INPP4B: variants seen among roughly 807,000 people sequenced by gnomAD.
INPP4B encodes the protein inositol polyphosphate-4-phosphatase type II B, also known as inositol polyphosphate 4-phosphatase type II.
Under a neutral mutation model 122.5 loss-of-function variants are expected in INPP4B, and 55 were observed. The observed-to-expected ratio is 0.45, with a 90% CI of 0.36 to 0.56. The LOEUF (loss-of-function observed/expected upper bound fraction) is 0.56. Ranked by LOEUF, INPP4B falls within the 20% of genes least tolerant of loss-of-function variation. INPP4B has a pLI of 0.00. For missense variants in INPP4B, 1,000 were observed against 1,097.7 expected (o/e 0.91, Z 1.26); for synonymous variants, 403 against 388.7 (o/e 1.04, Z -0.43).
At chr4:142,301,579 G>T (rs1185816340) in intron 9 of INPP4B, among the ~76,000 whole-genome samples, 1 of 152,194 alleles carries the variant, frequency 6.6e-6, no homozygotes, top group Non-Finnish European at 1.5e-5. Flanking sequence ...TGCATGAAAA[G>T]TACCTCACAT....
chr4:142,212,949 G>C (rs898927414), intron 12 of INPP4B, among the ~76,000 whole-genome samples: 2 of 152,132 alleles, frequency 1.3e-5, no homozygotes, highest in Non-Finnish European at 2.9e-5. Context: ...CCTCATGCTG[G>C]TGTTTTGGCT....
chr4:142,300,470 C>A (rs1760937132), intron 9 of INPP4B, among the ~76,000 whole-genome samples: 1 of 151,806 alleles, frequency 6.6e-6, no homozygotes, highest in Admixed American at 6.6e-5. Flanking sequence ...GCTAATTAAC[C>A]AAAATGCCAA....
At chr4:142,493,107 T>C (rs547862506) in intron 2 of INPP4B, among the ~76,000 whole-genome samples, 1 of 152,268 alleles carries the variant, frequency 6.6e-6, no homozygotes, top group East Asian at 1.9e-4. Context: ...GTGGCTTACA[T>C]AGGGTGTTGG....
chr4:142,143,483 C>T (rs1347547529), intron 18 of INPP4B, among the ~76,000 whole-genome samples: 3 of 151,950 alleles, frequency 2.0e-5, no homozygotes, highest in Non-Finnish European at 4.4e-5. Context: ...TTTCAGAGGG[C>T]AAAAGGAGAA....
At chr4:142,072,874 C>T (rs1468415019) in intron 25 of INPP4B, among the ~76,000 whole-genome samples, 2 of 152,016 alleles carry the variant, frequency 1.3e-5, no homozygotes, top group Non-Finnish European at 2.9e-5. Context: ...TTACCAATTT[C>T]TTTATATATG....
chr4:142,757,075 T>A (rs554137644), intron 1 of INPP4B, among the ~76,000 whole-genome samples: 1 of 152,292 alleles, frequency 6.6e-6, no homozygotes, highest in African/African-American at 2.4e-5. Flanking sequence ...CCCAGATAGA[T>A]ATCAAAGTTA....
chr4:142,031,137 C>A (rs1001587466), intron 25 of INPP4B, among the ~76,000 whole-genome samples: 1 of 152,050 alleles, frequency 6.6e-6, no homozygotes, highest in South Asian at 2.1e-4. Flanking sequence ...CTGAAATATA[C>A]CATATTGATA....
chr4:142,807,288 C>A (rs558151008), intron 1 of INPP4B, among the ~76,000 whole-genome samples: 3 of 152,136 alleles, frequency 2.0e-5, no homozygotes, highest in African/African-American at 7.2e-5. Context: ...TATCTTGTAC[C>A]AATTTTGAAA....
chr4:142,550,624 T>A (rs1302522043), intron 2 of INPP4B, among the ~76,000 whole-genome samples: 15 of 19,016 alleles, frequency 7.9e-4, no homozygotes, highest in Admixed American at 1.7e-3. Flanking sequence ...ATATATATTT[T>A]TTTTTTTACT....
chr4:142,630,084 A>G (rs1011836013), intron 2 of INPP4B, among the ~76,000 whole-genome samples: 2 of 152,128 alleles, frequency 1.3e-5, no homozygotes, highest in Admixed American at 6.6e-5. Flanking sequence ...TCTGATGGCA[A>G]TATGTAAGCC....
intron 5 of INPP4B, among the ~76,000 whole-genome samples, chr4:142,409,376 C>T (rs1435878445): frequency 6.6e-6 from 1 of 151,962 alleles, no homozygotes; most frequent in Non-Finnish European, 1.5e-5. Context: ...GCCTTTAATC[C>T]CAGCTACTCG....
intron 2 of INPP4B, among the ~76,000 whole-genome samples, chr4:142,498,737 G>A (rs1822983196): frequency 6.6e-6 from 1 of 152,130 alleles, no homozygotes; most frequent in Admixed American, 6.6e-5. Flanking sequence ...GTTGCAGTGA[G>A]CTGAGACTGC....
intron 11 of INPP4B, among the ~76,000 whole-genome samples, chr4:142,255,518 A>T (rs1284355670): frequency 2.0e-5 from 3 of 152,202 alleles, no homozygotes; most frequent in Non-Finnish European, 4.4e-5. Context: ...AGATCTACCA[A>T]GCAAATGGAA....
chr4:142,487,329 G>A (rs1230431654), intron 2 of INPP4B, among the ~76,000 whole-genome samples: 1 of 152,092 alleles, frequency 6.6e-6, no homozygotes, highest in African/African-American at 2.4e-5. Flanking sequence ...AATACATTAT[G>A]CTAGTACCAC....
chr4:142,179,073 C>A (rs1399956602), intron 15 of INPP4B, among the ~76,000 whole-genome samples: 3 of 152,028 alleles, frequency 2.0e-5, no homozygotes, highest in African/African-American at 7.2e-5. Flanking sequence ...TAGAAAAAAA[C>A]AAAACAAAAC....
chr4:142,182,417 A>C (rs2645818), intron 15 of INPP4B, among the ~76,000 whole-genome samples: 1 of 151,824 alleles, frequency 6.6e-6, no homozygotes, highest in African/African-American at 2.4e-5. Context: ...GCGTGGTGGC[A>C]GGTGCCTGTA....
chr4:142,564,415 A>C (rs1459632608), intron 2 of INPP4B, among the ~76,000 whole-genome samples: 2 of 136,896 alleles, frequency 1.5e-5, no homozygotes, highest in Non-Finnish European at 3.2e-5. Context: ...TTATAGTAGA[A>C]AAATGTAGTG....
chr4:142,792,441 A>G (rs1186281277), intron 1 of INPP4B, among the ~76,000 whole-genome samples: 1 of 151,976 alleles, frequency 6.6e-6, no homozygotes, highest in Non-Finnish European at 1.5e-5. Context: ...TATCATAAAC[A>G]TTTTCTCACA....
chr4:142,642,037 C>A (rs1230683167), intron 2 of INPP4B, among the ~76,000 whole-genome samples: 2 of 152,244 alleles, frequency 1.3e-5, no homozygotes, highest in African/African-American at 4.8e-5. Context: ...GCATTTTTTT[C>A]TGTGTCTGTT....
Sources: gnomAD v4.1 joint callset for allele counts (sites outside exome capture counted in the v4.1 genomes callset) on GRCh38, gnomAD v4.1.1 for gene constraint, MANE v1.5 for transcripts, NCBI Gene and HGNC (gene_info 2026-07-23, HGNC 2026-07-21) for gene names.